ENPP3: variants seen among roughly 807,000 people sequenced by gnomAD.
ENPP3 encodes the protein ectonucleotide pyrophosphatase/phosphodiesterase family member 3.
A neutral mutation model predicts 117.8 loss-of-function variants in ENPP3; 104 were observed. That is an observed-to-expected ratio of 0.88 (90% CI 0.75 to 1.04). The LOEUF (loss-of-function observed/expected upper bound fraction) is 1.04. Ranked by LOEUF, ENPP3 falls within the 50% of genes least tolerant of loss-of-function variation. The pLI is 0.00. For synonymous variants in ENPP3, 380 were observed against 349.9 expected (o/e 1.09, Z -0.96); for missense variants, 1,026 against 1,051.9 (o/e 0.98, Z 0.34).
At chr6:131,695,708 G>A (rs1160437890) in intron 15 of ENPP3, among the ~76,000 whole-genome samples, 1 of 152,122 alleles carries the variant, frequency 6.6e-6, no homozygotes, top group Non-Finnish European at 1.5e-5. Flanking sequence ...AAGGTTAGGA[G>A]TTTGAGATCA....
intron 24 of ENPP3, among the ~76,000 whole-genome samples, chr6:131,745,589 A>G (rs1036663457): frequency 6.6e-6 from 1 of 152,148 alleles, no homozygotes; most frequent in African/African-American, 2.4e-5. Context: ...AAATTATTGA[A>G]CTAACTTTCA....
In ENPP3 at chr6:131,641,514, G is replaced by C; in HGVS notation, c.138G>C (p.Arg46Ser). 2 of 1,608,364 alleles carry C rather than the reference G, an allele frequency of 1.2e-6. No individual in the cohort carries two copies. The highest frequency in any genetic ancestry group is 1.7e-6 in the Non-Finnish European group (2 of 1,175,336). ...GATTAGGCCTGGGGCTTGGACTCAG[G>C]AAACTGGAAAAGCAAGGTATACCCC... ...SLGLGLGLGL[R>S]KLEKQGSCRK... The change falls in exon 2 of 25, where the codon AGG becomes AGC. Residue 46 changes from arginine to serine, a missense_variant. Arg to Ser is a moderately radical substitution (Grantham distance 110). Transcript: ENST00000357639.
intron 11 of ENPP3, among the ~76,000 whole-genome samples, chr6:131,680,581 T>C (rs1220531290): frequency 6.8e-6 from 1 of 147,966 alleles, no homozygotes; most frequent in African/African-American, 2.7e-5. Flanking sequence ...CACTTAAAAC[T>C]TGAGAAGAAG....
At chr6:131,674,993 C>G in intron 8 of ENPP3, 87 bp from the exon 9 acceptor site, 1 of 753,582 alleles carries the variant, frequency 1.3e-6, no homozygotes, top group Non-Finnish European at 2.4e-6. Flanking sequence ...CATGTTGCAA[C>G]TATTAATCTT....
At chr6:131,733,900 A>G (rs1780340885) in intron 21 of ENPP3, among the ~76,000 whole-genome samples, 177 bp downstream of exon 21, 1 of 152,218 alleles carries the variant, frequency 6.6e-6, no homozygotes, top group Non-Finnish European at 1.5e-5. Context: ...ATAAAGACTA[A>G]GACATTTTGC....
intron 1 of ENPP3, among the ~76,000 whole-genome samples, chr6:131,639,932 G>A (rs551897812): frequency 1.3e-5 from 2 of 152,096 alleles, no homozygotes; most frequent in African/African-American, 4.8e-5. Flanking sequence ...TTCCATACCA[G>A]CCTGGTCAAC....
At chr6:131,680,489 G>A (rs944017623) in intron 11 of ENPP3, among the ~76,000 whole-genome samples, 1 of 152,032 alleles carries the variant, frequency 6.6e-6, no homozygotes, top group African/African-American at 2.4e-5. Flanking sequence ...TGGGATATCG[G>A]CAGCATATAG....
intron 22 of ENPP3, 45 bp downstream of exon 22, chr6:131,737,477 T>G: frequency 9.6e-7 from 1 of 1,041,432 alleles, no homozygotes; most frequent in Non-Finnish European, 1.5e-6. Flanking sequence ...GTTAAGTGAC[T>G]CCTTGAACTT....
intron 19 of ENPP3, among the ~76,000 whole-genome samples, chr6:131,725,173 C>A (rs1780128650): frequency 6.6e-6 from 1 of 152,100 alleles, no homozygotes; most frequent in Non-Finnish European, 1.5e-5. Context: ...TTGCAGTGAG[C>A]TGAGATCATG....
intron 15 of ENPP3, 63 bp downstream of exon 15, chr6:131,693,687 C>T (rs1410206424): frequency 1.3e-6 from 2 of 1,501,932 alleles, no homozygotes; most frequent in African/African-American, 2.8e-5. Flanking sequence ...TATAAGTCTA[C>T]TTAACCTTAC....
In ENPP3 at chr6:131,680,983, G is replaced by A. The variant is rs561956915; in HGVS notation, c.1012-2071G>A. Among the ~76,000 whole-genome samples, 41 of 152,160 alleles carry A rather than the reference G, an allele frequency of 2.7e-4. 1 individual carries two copies. In the South Asian group the frequency reaches 8.1e-3, roughly 30 times the overall value. On this transcript the variant is annotated intron_variant, in intron 11 of 24. Transcript: ENST00000357639. ...ACACAGATGATTTCAAAACTGTAAA[G>A]AGTCCAATGGCAGCCATATGCCAGG...
intron 20 of ENPP3, among the ~76,000 whole-genome samples, chr6:131,727,701 G>A (rs138246385): frequency 2.9e-4 from 44 of 152,038 alleles, no homozygotes; most frequent in Middle Eastern, 3.4e-3. Flanking sequence ...TGAATGAAAC[G>A]CATTGAATGA....
intron 12 of ENPP3, among the ~76,000 whole-genome samples, chr6:131,684,256 A>G (rs1459606458): frequency 1.3e-5 from 2 of 152,260 alleles, no homozygotes; most frequent in Non-Finnish European, 2.9e-5. Context: ...TAGAGCATCC[A>G]GATAATGGGA....
chr6:131,737,577 G>T (rs1437102372), intron 22 of ENPP3, 145 bp downstream of exon 22: 3 of 533,742 alleles, frequency 5.6e-6, no homozygotes, highest in Non-Finnish European at 9.8e-6. Context: ...GTATAGGAAG[G>T]ATCCCTCACA....
rs779335266 is a variant in ENPP3, at chr6:131,738,049, A to G, written c.2186A>G (p.His729Arg). The G allele has an allele frequency of 1.9e-6, 3 of 1,601,546 alleles. No homozygotes were observed. In the Admixed American group the frequency reaches 5.1e-5, roughly 27 times the overall value. ...TTTTTAGAAATGTGGGACTACTTCC[A>G]CAGTGTTCTTCTTATAAAACATGCC... ...EEFRKMWDYF[H>R]SVLLIKHATE... Residue 729 changes from histidine (H) to arginine (R), a missense_variant, in exon 23 of 25, where the codon CAC (histidine) becomes CGC (arginine). Coordinates refer to ENST00000357639, the MANE Select transcript of ENPP3 (RefSeq NM_005021.5).
intron 5 of ENPP3, 62 bp from the exon 6 acceptor site, chr6:131,658,261 A>G: frequency 2.3e-6 from 2 of 873,552 alleles, no homozygotes; most frequent in Non-Finnish European, 3.9e-6. Flanking sequence ...AAAGGATTGC[A>G]ATGCTTTTGA....
intron 15 of ENPP3, among the ~76,000 whole-genome samples, chr6:131,706,214 G>C (rs946290523): frequency 1.5e-5 from 2 of 130,824 alleles, no homozygotes; most frequent in African/African-American, 7.1e-5. Context: ...ATTCTTGGTA[G>C]AGATGGGGTT....
At chr6:131,655,806 C>T (rs1053029761) in intron 5 of ENPP3, among the ~76,000 whole-genome samples, 3 of 152,170 alleles carry the variant, frequency 2.0e-5, no homozygotes, top group African/African-American at 7.2e-5. Flanking sequence ...AATCTTGATG[C>T]AAGGCAAGAC....
intron 2 of ENPP3, among the ~76,000 whole-genome samples, chr6:131,648,280 A>G (rs1032279004): frequency 1.3e-5 from 2 of 151,752 alleles, no homozygotes; most frequent in Non-Finnish European, 2.9e-5. Flanking sequence ...GTCAGTCCTC[A>G]TTGTCCTTAA....
Sources: gnomAD v4.1 joint callset for allele counts (sites outside exome capture counted in the v4.1 genomes callset) on GRCh38, gnomAD v4.1.1 for gene constraint, MANE v1.5 for transcripts, NCBI Gene and HGNC (gene_info 2026-07-23, HGNC 2026-07-21) for gene names.